The following STX12 variants were observed in gnomAD, a reference collection of about 807,000 sequenced individuals.
The protein encoded by STX12 is syntaxin 12.
STX12 carries 17 observed loss-of-function variants against 42.2 expected under a neutral mutation model. The observed-to-expected ratio is 0.40, with a 90% CI of 0.28 to 0.60. The LOEUF (loss-of-function observed/expected upper bound fraction) is 0.60, where lower values mean the gene tolerates loss of function less well. Among genes scored for constraint, STX12 ranks in the 20% least tolerant of loss-of-function variants. The pLI is 0.39. For synonymous variants in STX12, 108 were observed against 116.7 expected (o/e 0.93, Z 0.48); for missense variants, 297 against 330.9 (o/e 0.90, Z 0.79).
At chr1:27,817,164 T>G (rs751922122) in intron 6 of STX12, among the ~76,000 whole-genome samples, 3 of 152,108 alleles carry the variant, frequency 2.0e-5, no homozygotes, top group Non-Finnish European at 4.4e-5. Context: ...TTGCCAATGT[T>G]AAATTCTTCC....
chr1:27,773,242 G>T lies in STX12; in HGVS notation c.-66G>T. On this transcript the variant is annotated 5_prime_UTR_variant, in exon 1 of 9. Coordinates refer to ENST00000373943, the MANE Select transcript of STX12 (RefSeq NM_177424.3). ...TTCCCAGTTTCTCCGTCAGCCTGCG[G>T]GTCCCGGCTGGCGGCTGCTTCCGGT... 1.9e-6 allele frequency: 2 copies of T among 1,077,754 alleles called. No individual in the cohort carries two copies. Among genetic ancestry groups the T allele is most frequent in the Non-Finnish European group, 2.8e-6 (2 of 723,280 alleles). The allele number at this position is 1,077,754 out of a possible 1,614,324, so 66.8% of individuals were successfully genotyped here.
intron 4 of STX12, among the ~76,000 whole-genome samples, chr1:27,808,066 G>A (rs2088876481): frequency 6.6e-6 from 1 of 152,102 alleles, no homozygotes; most frequent in African/African-American, 2.4e-5. Flanking sequence ...CTTTAAAAGG[G>A]AGGGATGGAG....
Position 27,809,946 on chromosome 1 carries a change from C to T in STX12, c.427-300C>T, listed in dbSNP as rs541714719. 537 of 227,396 alleles carry T rather than the reference C, an allele frequency of 2.4e-3. 1 individual carries two copies. Among genetic ancestry groups the T allele is most frequent in the Non-Finnish European group, 2.9e-3 (344 of 116,960 alleles). 14.1% of individuals were successfully genotyped at this position (227,396 alleles called of 1,614,324 possible). On this transcript the variant is annotated intron_variant, in intron 4 of 8. Coordinates refer to ENST00000373943, the MANE Select transcript of STX12 (RefSeq NM_177424.3). The stretch of plus-strand genomic sequence containing the variant: ...TTCTTGCAAGTTTATCTACCTCCCC[C>T]TAAATTTTAAAATATTTTATTGTTG...
At position 27,823,803 on chromosome 1, in the gene STX12, G is replaced by C. The variant is rs1327348809; in HGVS notation, c.*1474G>C. On this transcript the variant is annotated 3_prime_UTR_variant, in exon 9 of 9. Coordinates refer to ENST00000373943, the MANE Select transcript of STX12 (RefSeq NM_177424.3). ...TGTTTTTATGAGTTAACATCCTAATGTGGTAGGTATTAGGTAATGTGCTGT... is the reference window on the plus strand; with the variant it reads ...TGTTTTTATGAGTTAACATCCTAATCTGGTAGGTATTAGGTAATGTGCTGT... 4 of 152,610 alleles carry C rather than the reference G, an allele frequency of 2.6e-5. No individual in the cohort carries two copies. Among genetic ancestry groups the C allele is most frequent in the Non-Finnish European group, 4.4e-5 (3 of 68,032 alleles). 9.5% of individuals were successfully genotyped at this position (152,610 alleles called of 1,614,324 possible).
At position 27,800,679 on chromosome 1, in the gene STX12, C is replaced by T. The variant is rs193278225; in HGVS notation, c.289-999C>T. On this transcript the variant is annotated intron_variant, in intron 3 of 8. Coordinates refer to ENST00000373943, the MANE Select transcript of STX12 (RefSeq NM_177424.3). ...AGTAGCTGATGTGTACCACCACGCCCGGCTAATTTTTTTATTTTTTGTAGA... is the reference window on the plus strand; with the variant it reads ...AGTAGCTGATGTGTACCACCACGCCTGGCTAATTTTTTTATTTTTTGTAGA... 1.0e-3 allele frequency among the ~76,000 whole-genome samples: 154 copies of T among 152,038 alleles called. 1 individual carries two copies. The highest frequency in any genetic ancestry group is 2.0e-3 in the Admixed American group (31 of 15,254).
At chr1:27,804,721 G>T (rs2148604411) in intron 4 of STX12, among the ~76,000 whole-genome samples, 1 of 151,624 alleles carries the variant, frequency 6.6e-6, no homozygotes, top group Admixed American at 6.6e-5. Context: ...TGAGGCAGGA[G>T]ACTCGCTTCA....
intron 3 of STX12, among the ~76,000 whole-genome samples, chr1:27,799,480 TTTTTTTTTG>T (rs1311048937): frequency 1.3e-5 from 2 of 148,334 alleles, no homozygotes; most frequent in African/African-American, 5.3e-5. Flanking sequence ...TTAGCTTGTT[TTTTTTTTTG>T]TTTTTTTTTT....
intron 1 of STX12, among the ~76,000 whole-genome samples, chr1:27,785,429 A>G (rs1380367712): frequency 6.6e-6 from 1 of 152,258 alleles, no homozygotes; most frequent in Non-Finnish European, 1.5e-5. Context: ...GTTACACAGC[A>G]TAATTCTTTG....
At position 27,773,441 on chromosome 1, in the gene STX12, G is replaced by A. The variant is rs747594726; in HGVS notation, c.118+16G>A. On this transcript the variant is annotated intron_variant, in intron 1 of 8. Transcript: ENST00000373943. ...AGCCAAGCCAGTGAGCCGGGGTACC[G>A]AGCTGGGGGGCGGGAGCTGTCCCGG... 7.8e-5 allele frequency: 125 copies of A among 1,610,730 alleles called. No individual in the cohort carries two copies. The highest frequency in any genetic ancestry group is 1.0e-4 in the Non-Finnish European group (120 of 1,177,364).
chr1:27,805,818 T>C (rs1039819295), intron 4 of STX12, among the ~76,000 whole-genome samples: 3 of 152,174 alleles, frequency 2.0e-5, no homozygotes, highest in Non-Finnish European at 2.9e-5. Flanking sequence ...AAATATACAA[T>C]TGGAAAAGGA....
intron 4 of STX12, among the ~76,000 whole-genome samples, chr1:27,806,602 G>A (rs1025342786): frequency 3.9e-5 from 6 of 152,092 alleles, no homozygotes; most frequent in African/African-American, 1.4e-4. Flanking sequence ...TTTAAAATAC[G>A]GTGAGTGTGT....
At chr1:27,813,450 A>G (rs572103090) in intron 6 of STX12, among the ~76,000 whole-genome samples, 2 of 152,318 alleles carry the variant, frequency 1.3e-5, no homozygotes, top group Non-Finnish European at 2.9e-5. Context: ...TGCTGGGATT[A>G]CTGGCATGAA....
intron 2 of STX12, among the ~76,000 whole-genome samples, chr1:27,793,038 A>G (rs1291669014): frequency 6.6e-6 from 1 of 152,222 alleles, no homozygotes; most frequent in Non-Finnish European, 1.5e-5. Context: ...AGCTTTTTAA[A>G]GCAAGAGCAT....
At chr1:27,806,647 G>A (rs143962631) in intron 4 of STX12, among the ~76,000 whole-genome samples, 63 of 152,254 alleles carry the variant, frequency 4.1e-4, no homozygotes, top group African/African-American at 1.3e-3. Flanking sequence ...AGTGCAATTC[G>A]GTGCCACTGC....
intron 4 of STX12, among the ~76,000 whole-genome samples, chr1:27,803,855 GCTGGGCGTGGT>G (rs1411159274): frequency 6.6e-6 from 1 of 151,770 alleles, no homozygotes; most frequent in Non-Finnish European, 1.5e-5. Context: ...TACAAAATTA[GCTGGGCGTGGT>G]AGCGCGTGCC....
At chr1:27,793,762 C>T (rs917978690) in intron 3 of STX12, 130 bp downstream of exon 3, 11 of 640,616 alleles carry the variant, frequency 1.7e-5, no homozygotes, top group Admixed American at 5.6e-5. Context: ...ACCTCAGTTT[C>T]TTATCCATCA....
intron 3 of STX12, among the ~76,000 whole-genome samples, chr1:27,799,543 C>T (rs951027311): frequency 8.9e-5 from 13 of 146,130 alleles, no homozygotes; most frequent in Admixed American, 3.4e-4. Context: ...AGTGCAGTGG[C>T]GCGATCTCAG....
intron 6 of STX12, among the ~76,000 whole-genome samples, chr1:27,816,262 C>T (rs889570910): frequency 6.6e-6 from 1 of 151,604 alleles, no homozygotes; most frequent in Non-Finnish European, 1.5e-5. Context: ...TGCAGTGAGC[C>T]GAGATTGCAC....
chr1:27,793,456 C>A, intron 2 of STX12, 77 bp from the exon 3 acceptor site: 1 of 1,240,610 alleles, frequency 8.1e-7, no homozygotes, highest in Non-Finnish European at 1.2e-6. Context: ...TTATGAGACA[C>A]TCTGAGAACA....
Sources: gnomAD v4.1 joint callset for allele counts (sites outside exome capture counted in the v4.1 genomes callset) on GRCh38, gnomAD v4.1.1 for gene constraint, MANE v1.5 for transcripts, NCBI Gene and HGNC (gene_info 2026-07-23, HGNC 2026-07-21) for gene names.